SLC14A2: variants seen among roughly 807,000 people sequenced by gnomAD.
The protein encoded by SLC14A2 is solute carrier family 14 member 2.
A neutral mutation model predicts 104.6 loss-of-function variants in SLC14A2; 91 were observed. The ratio of observed to expected loss-of-function variants is 0.87; its 90% CI spans 0.73 to 1.04. The LOEUF (loss-of-function observed/expected upper bound fraction) is 1.04. Ranked by LOEUF, SLC14A2 falls within the 50% of genes least tolerant of loss-of-function variation. The pLI, the probability that SLC14A2 is intolerant of heterozygous loss-of-function variation, is 0.00. For missense variants in SLC14A2, 1,189 were observed against 1,156.0 expected (o/e 1.03, Z -0.41); for synonymous variants, 476 against 466.4 (o/e 1.02, Z -0.27).
chr18:45,454,629 G>C (rs562297276), intron 1 of SLC14A2, among the ~76,000 whole-genome samples: 1 of 152,160 alleles, frequency 6.6e-6, no homozygotes, highest in East Asian at 1.9e-4. Flanking sequence ...GGATTTTTAT[G>C]GTTTTAGGTC....
intron 1 of SLC14A2, among the ~76,000 whole-genome samples, chr18:45,392,999 A>G (rs911274658): frequency 6.6e-6 from 1 of 152,186 alleles, no homozygotes; most frequent in African/African-American, 2.4e-5. Flanking sequence ...TTTAGAGTTA[A>G]CTTTATGCCT....
intron 1 of SLC14A2, among the ~76,000 whole-genome samples, chr18:45,411,758 T>C (rs1392503686): frequency 6.6e-6 from 1 of 151,998 alleles, no homozygotes; most frequent in Non-Finnish European, 1.5e-5. Context: ...CACCAGAAGA[T>C]GAGATGCTTG....
intron 10 of SLC14A2, among the ~76,000 whole-genome samples, chr18:45,655,912 G>A (rs1446870264): frequency 2.6e-5 from 4 of 152,148 alleles, no homozygotes; most frequent in African/African-American, 9.7e-5. Flanking sequence ...CATTGCAGGA[G>A]TAAATAATCC....
chr18:45,227,185 G>A (rs2144010955), intron 1 of SLC14A2, among the ~76,000 whole-genome samples: 1 of 152,318 alleles, frequency 6.6e-6, no homozygotes. Context: ...CCAGCTGAAA[G>A]ACAGGCTGAG....
At chr18:45,570,132 A>T (rs1295852869) in intron 2 of SLC14A2, among the ~76,000 whole-genome samples, 1 of 152,186 alleles carries the variant, frequency 6.6e-6, no homozygotes, top group Non-Finnish European at 1.5e-5. Context: ...GTGGGCTCGT[A>T]TGTGGTCAGC....
intron 1 of SLC14A2, among the ~76,000 whole-genome samples, chr18:45,466,426 A>T (rs1032215355): frequency 1.3e-5 from 2 of 151,830 alleles, no homozygotes; most frequent in Admixed American, 1.3e-4. Flanking sequence ...TGAAGGCTGA[A>T]GAATGTGCTA....
At chr18:45,306,855 C>G (rs117204321) in intron 1 of SLC14A2, among the ~76,000 whole-genome samples, 1 of 152,108 alleles carries the variant, frequency 6.6e-6, no homozygotes, top group Non-Finnish European at 1.5e-5. Flanking sequence ...CTCACTTGTT[C>G]GGGCACTCTT....
chr18:45,321,642 G>A (rs1429239327), intron 1 of SLC14A2, among the ~76,000 whole-genome samples: 3 of 152,134 alleles, frequency 2.0e-5, no homozygotes, highest in Admixed American at 6.6e-5. Flanking sequence ...TCCAGCGCCC[G>A]TGCTATTATA....
rs533069232 is a variant in SLC14A2 at position 45,339,667 on chromosome 18, A to G, written c.-125+126476A>G. On this transcript the variant is annotated intron_variant, in intron 1 of 20. Transcript: ENST00000586448. The stretch of plus-strand genomic sequence containing the variant: ...AAGAGAATGACCTGGATTGTGGACA[A>G]TGAAAAGAGCATCAGCTGAGCAATG... Among the ~76,000 whole-genome samples, 55 of 152,222 alleles carry G rather than the reference A, an allele frequency of 3.6e-4. 1 individual carries two copies. The highest frequency in any genetic ancestry group is 7.3e-4 in the Non-Finnish European group (50 of 68,038).
intron 1 of SLC14A2, among the ~76,000 whole-genome samples, chr18:45,223,092 ATTAT>A (rs1439411303): frequency 6.6e-6 from 1 of 152,220 alleles, no homozygotes; most frequent in African/African-American, 2.4e-5. Context: ...CATTATAGTT[ATTAT>A]TTCATTCAAT....
chr18:45,468,894 A>G (rs2087192664), intron 1 of SLC14A2, among the ~76,000 whole-genome samples: 1 of 152,262 alleles, frequency 6.6e-6, no homozygotes, highest in Non-Finnish European at 1.5e-5. Context: ...CACAAGACAT[A>G]ATCCCTGAGG....
At chr18:45,586,881 CAACTAT>C (rs1481546610) in intron 2 of SLC14A2, among the ~76,000 whole-genome samples, 3 of 152,122 alleles carry the variant, frequency 2.0e-5, no homozygotes, top group Non-Finnish European at 4.4e-5. Context: ...GATAAAATGC[CAACTAT>C]AACTTTGCCC....
chr18:45,523,054 G>A (rs1056692150), intron 2 of SLC14A2, among the ~76,000 whole-genome samples: 3 of 152,174 alleles, frequency 2.0e-5, no homozygotes, highest in Non-Finnish European at 2.9e-5. Context: ...AGTGGTCTAC[G>A]GCAAGCTGTA....
At chr18:45,261,396 C>CT (rs1568125682) in intron 1 of SLC14A2, among the ~76,000 whole-genome samples, 1 of 150,028 alleles carries the variant, frequency 6.7e-6, no homozygotes, top group South Asian at 2.1e-4. Flanking sequence ...GCCACATTTT[C>CT]TTTTTTTGTT....
chr18:45,483,595 G>C (rs1453323796), intron 2 of SLC14A2: 1 of 152,156 alleles, frequency 6.6e-6, no homozygotes, highest in Non-Finnish European at 1.5e-5. Context: ...GTCAAAAATA[G>C]ATGAACAGAT....
At chr18:45,576,115 A>G (rs1049534036) in intron 2 of SLC14A2, among the ~76,000 whole-genome samples, 1 of 152,070 alleles carries the variant, frequency 6.6e-6, no homozygotes, top group African/African-American at 2.4e-5. Context: ...GATACTTATG[A>G]CTGTAACAAA....
intron 1 of SLC14A2, among the ~76,000 whole-genome samples, chr18:45,442,738 A>G (rs985407): frequency 0.24 from 36,057 of 152,204 alleles, 4,526 homozygotes; most frequent in South Asian, 0.4. Context: ...TGAGATGTAT[A>G]TAAAGCTTAA....
At chr18:45,508,896 C>T (rs973899309) in intron 2 of SLC14A2, among the ~76,000 whole-genome samples, 4 of 152,176 alleles carry the variant, frequency 2.6e-5, no homozygotes, top group African/African-American at 9.6e-5. Flanking sequence ...AACAGAATTA[C>T]AAATTATCAA....
intron 1 of SLC14A2, among the ~76,000 whole-genome samples, chr18:45,262,785 C>A (rs2084553249): frequency 6.6e-6 from 1 of 152,116 alleles, no homozygotes; most frequent in Non-Finnish European, 1.5e-5. Context: ...ACAGACTGAA[C>A]ATCAAGGAGA....
Sources: gnomAD v4.1 joint callset for allele counts (sites outside exome capture counted in the v4.1 genomes callset) on GRCh38, gnomAD v4.1.1 for gene constraint, MANE v1.5 for transcripts, NCBI Gene and HGNC (gene_info 2026-07-23, HGNC 2026-07-21) for gene names.